Variants in CNTN1 observed in about 807,000 individuals in gnomAD.
CNTN1 encodes contactin-1.
A neutral mutation model predicts 126.4 loss-of-function variants in CNTN1; 38 were observed. The ratio of observed to expected loss-of-function variants is 0.30; its 90% CI spans 0.23 to 0.39. The LOEUF (loss-of-function observed/expected upper bound fraction) is 0.39, where lower values mean the gene tolerates loss of function less well. Among genes scored for constraint, CNTN1 ranks in the 10% least tolerant of loss-of-function variants. The pLI is 1.00. For missense variants in CNTN1, 1,009 were observed against 1,248.4 expected (o/e 0.81, Z 2.89); for synonymous variants, 413 against 422.6 (o/e 0.98, Z 0.28).
chr12:40,715,684 C>T (rs1942031305), intron 1 of CNTN1, among the ~76,000 whole-genome samples: 1 of 152,136 alleles, frequency 6.6e-6, no homozygotes, highest in South Asian at 2.1e-4. Flanking sequence ...TTTTCATTAA[C>T]TGATTTCAAA....
intron 1 of CNTN1, among the ~76,000 whole-genome samples, chr12:40,832,746 C>T (rs903638971): frequency 6.6e-6 from 1 of 152,116 alleles, no homozygotes; most frequent in Non-Finnish European, 1.5e-5. Context: ...ACAACTTGCC[C>T]CTGAGTACAT....
At chr12:40,922,128 C>T (rs1350325775) in intron 4 of CNTN1, 128 bp from the exon 5 acceptor site, 1 of 770,966 alleles carries the variant, frequency 1.3e-6, no homozygotes, top group South Asian at 1.5e-5. Context: ...GAAATACCAC[C>T]TGAATCATAT....
At chr12:40,849,804 C>T (rs974941531) in intron 1 of CNTN1, among the ~76,000 whole-genome samples, 4 of 151,854 alleles carry the variant, frequency 2.6e-5, no homozygotes, top group Non-Finnish European at 5.9e-5. Flanking sequence ...CAAACAAATT[C>T]AAATAAGGAA....
intron 15 of CNTN1, among the ~76,000 whole-genome samples, chr12:40,960,541 A>C (rs1947068651): frequency 6.6e-6 from 1 of 152,018 alleles, no homozygotes; most frequent in Non-Finnish European, 1.5e-5. Context: ...AAATGCTGAA[A>C]ACTCTTCTAC....
At chr12:40,721,708 C>T (rs1402501350) in intron 1 of CNTN1, among the ~76,000 whole-genome samples, 2 of 120,634 alleles carry the variant, frequency 1.7e-5, no homozygotes, top group South Asian at 3.4e-4. Context: ...CCCCTCCCCC[C>T]ACCCCACAAC....
At chr12:41,007,121 G>A (rs1592392282) in intron 17 of CNTN1, among the ~76,000 whole-genome samples, 1 of 140,268 alleles carries the variant, frequency 7.1e-6, no homozygotes, top group Admixed American at 7.2e-5. Flanking sequence ...GTGCAGTGGC[G>A]GGATCTCGGC....
intron 1 of CNTN1, among the ~76,000 whole-genome samples, chr12:40,717,860 T>A (rs1041158544): frequency 6.6e-6 from 1 of 152,168 alleles, no homozygotes; most frequent in Non-Finnish European, 1.5e-5. Context: ...GTTCATCATC[T>A]TTAGGTCTAT....
intron 1 of CNTN1, among the ~76,000 whole-genome samples, chr12:40,863,246 T>A (rs1387623266): frequency 6.6e-6 from 1 of 152,202 alleles, no homozygotes. Flanking sequence ...GATTCATCCA[T>A]GATACTTAAG....
At position 40,943,694 on chromosome 12, in the gene CNTN1, G is replaced by A. The variant is rs1444657813; in HGVS notation, c.1477G>A (p.Ala493Thr). 1 of 1,612,686 alleles carries A rather than the reference G, an allele frequency of 6.2e-7. No homozygotes were observed. The change falls in exon 13 of 24, where the codon GCT becomes ACT. Residue 493 changes from alanine (A) to threonine (T), a missense_variant. By Grantham distance (58) the Ala-to-Thr change is moderately conservative. Transcript: ENST00000551295. ...CTTTGCAGAAAATAACAGAGGGAAA[G>A]CTAATAGCACTGGAACCCTTGTTAT... is the stretch of plus-strand genomic sequence containing the variant. ...TCFAENNRGKANSTGTLVITD... is the reference protein window; with the variant it reads ...TCFAENNRGKTNSTGTLVITD...
At chr12:40,753,282 AAG>A (rs1339904126) in intron 1 of CNTN1, among the ~76,000 whole-genome samples, 1 of 152,150 alleles carries the variant, frequency 6.6e-6, no homozygotes, top group African/African-American at 2.4e-5. Context: ...TGCTATAAAA[AAG>A]AGGAAAATGC....
rs545723358 is a variant in CNTN1, at chr12:40,875,366, T to A, written c.-76-32991T>A. Among the ~76,000 whole-genome samples the A allele has an allele frequency of 2.0e-4, 30 of 152,142 alleles. No individual in the cohort carries two copies. In the South Asian group the frequency reaches 6.0e-3, roughly 30 times the overall value. On this transcript the variant is annotated intron_variant, in intron 1 of 23. Transcript: ENST00000551295. ...CTGAACATTTCTGTCACCACAATGA[T>A]CCCTCCTGTTGCCCATTTGTATCCA...
chr12:40,898,431 T>C (rs535151499), intron 1 of CNTN1, among the ~76,000 whole-genome samples: 11 of 152,290 alleles, frequency 7.2e-5, no homozygotes, highest in African/African-American at 2.4e-4. Context: ...CGAACGGGTT[T>C]TGAATAAAAA....
intron 11 of CNTN1, among the ~76,000 whole-genome samples, chr12:40,938,655 T>C (rs927715816): frequency 6.6e-6 from 1 of 152,226 alleles, no homozygotes; most frequent in Non-Finnish European, 1.5e-5. Flanking sequence ...TATGTCAGTG[T>C]GTATAATGCT....
In CNTN1 at chr12:41,008,720, C is replaced by T. The variant is rs369945616; in HGVS notation, c.2114-5508C>T. On this transcript the variant is annotated intron_variant, in intron 17 of 23. Transcript: ENST00000551295. The stretch of plus-strand genomic sequence containing the variant: ...TCCTTTCATGACTTCCATGAACCAT[C>T]TATGACATGCTTAAACCTTCTGACT... Among the ~76,000 whole-genome samples, 11 of 152,308 alleles carry T rather than the reference C, an allele frequency of 7.2e-5. No individual in the cohort carries two copies. In the East Asian group the frequency reaches 1.3e-3, roughly 19 times the overall value.
At chr12:40,966,829 A>C (rs1302364029) in intron 15 of CNTN1, among the ~76,000 whole-genome samples, 1 of 152,192 alleles carries the variant, frequency 6.6e-6, no homozygotes, top group East Asian at 1.9e-4. Flanking sequence ...AAAACTTAAA[A>C]TATAAGGATA....
intron 1 of CNTN1, among the ~76,000 whole-genome samples, chr12:40,730,619 G>T (rs1335882028): frequency 6.6e-6 from 1 of 152,112 alleles, no homozygotes; most frequent in African/African-American, 2.4e-5. Context: ...CTACACATCA[G>T]ATCCTAAAGT....
At chr12:40,878,116 G>T (rs186327171) in intron 1 of CNTN1, among the ~76,000 whole-genome samples, 2 of 145,726 alleles carry the variant, frequency 1.4e-5, no homozygotes, top group African/African-American at 5.0e-5. Flanking sequence ...TCCTGCCTCA[G>T]CCTCCCGAGT....
At chr12:40,788,608 A>C (rs557795469) in intron 1 of CNTN1, among the ~76,000 whole-genome samples, 1 of 152,010 alleles carries the variant, frequency 6.6e-6, no homozygotes, top group South Asian at 2.1e-4. Flanking sequence ...AACAACCCCA[A>C]ATGACCCCTT....
intron 1 of CNTN1, among the ~76,000 whole-genome samples, chr12:40,804,240 A>C (rs1200853583): frequency 6.6e-6 from 1 of 152,034 alleles, no homozygotes; most frequent in Non-Finnish European, 1.5e-5. Context: ...ATATAACAGT[A>C]ATAATATTGA....
Sources: allele counts gnomAD v4.1 joint callset (sites outside exome capture counted in the v4.1 genomes callset), GRCh38; gene constraint gnomAD v4.1.1; transcripts MANE v1.5; gene names NCBI Gene and HGNC (gene_info 2026-07-23, HGNC 2026-07-21).